Variants in PALB2 observed in about 807,000 individuals in gnomAD.
The protein encoded by PALB2 is mutant partner and localizer of BRCA2.
PALB2 carries 82 observed loss-of-function variants against 107.4 expected under a neutral mutation model. That is an observed-to-expected ratio of 0.76 (90% CI 0.64 to 0.92). PALB2 has a LOEUF of 0.92. Ranked by LOEUF, PALB2 falls within the 40% of genes least tolerant of loss-of-function variation. The pLI is 0.00. For synonymous variants in PALB2, 489 were observed against 496.8 expected (o/e 0.98, Z 0.21); for missense variants, 1,374 against 1,379.9 (o/e 1.00, Z 0.07).
At chr16:23,636,932 T>A (rs1967076933) in intron 3 of PALB2, among the ~76,000 whole-genome samples, 1 of 152,206 alleles carries the variant, frequency 6.6e-6, no homozygotes, top group African/African-American at 2.4e-5. Context: ...AATTTTTCTC[T>A]GTTCATATAT....
chr16:23,630,491 C>T (rs1966868293), intron 4 of PALB2, 22 bp from the exon 5 acceptor site: 3 of 1,558,890 alleles, frequency 1.9e-6, no homozygotes, highest in Non-Finnish European at 2.6e-6. Context: ...AAATAAGTCA[C>T]AAAATAGTAA....
At chr16:23,613,435 G>A (rs1966622956) in intron 11 of PALB2, among the ~76,000 whole-genome samples, 1 of 152,124 alleles carries the variant, frequency 6.6e-6, no homozygotes, top group South Asian at 2.1e-4. Flanking sequence ...CCTGAGGTCA[G>A]GAGTTCGAGA....
chr16:23,637,564 G>A (rs904682251), intron 3 of PALB2, among the ~76,000 whole-genome samples: 1 of 152,008 alleles, frequency 6.6e-6, no homozygotes, highest in African/African-American at 2.4e-5. Context: ...TTAGTCAGGT[G>A]TGGTAGTGCA....
rs1597099200 is a variant in PALB2, at chr16:23,636,080, T to C, written c.466A>G (p.Ile156Val). ...RRKKQQKRTFISQERDCVFGT... is the reference protein window; with the variant it reads ...RRKKQQKRTFVSQERDCVFGT... ...AAGACACAGTCTCTCTCCTGTGAAA[T>C]AAATGTCCTCTTCTGCTGCTTCTTT... The change falls in exon 4 of 13, where the codon ATT (isoleucine) becomes GTT (valine). Residue 156 changes from isoleucine to valine, a missense_variant. Ile to Val is a conservative substitution (Grantham distance 29). Coordinates refer to ENST00000261584, the MANE Select transcript of PALB2 (RefSeq NM_024675.4). 1 of 1,613,946 alleles carries C rather than the reference T, an allele frequency of 6.2e-7. No homozygotes were observed. Among genetic ancestry groups the C allele is most frequent in the African/African-American group, 1.3e-5 (1 of 74,894 alleles).
At chr16:23,618,539 G>A (rs1009170934) in intron 10 of PALB2, among the ~76,000 whole-genome samples, 3 of 151,966 alleles carry the variant, frequency 2.0e-5, no homozygotes, top group African/African-American at 7.2e-5. Flanking sequence ...AGGGATGAGG[G>A]TAGAGTTGAA....
intron 9 of PALB2, 142 bp downstream of exon 9, chr16:23,622,827 A>G: frequency 1.1e-6 from 1 of 924,952 alleles, no homozygotes; most frequent in East Asian, 2.5e-5. Flanking sequence ...CTTCTATGTC[A>G]TAACCTAGTG....
Position 23,636,000 on chromosome 16 carries a change from G to A in PALB2, c.546C>T (p.Ile182=), listed in dbSNP as rs1597098917. Residue 182 remains isoleucine, a synonymous_variant, in exon 4 of 13, where the codon ATC becomes ATT. Coordinates refer to ENST00000261584, the MANE Select transcript of PALB2 (RefSeq NM_024675.4). ...SGKRLKEQEE[I]SSKNPARSPV... ...GTGATCTAGCAGGATTTTTGCTACT[G>A]ATTTCTTCCTGTTCCTTTAGTCTTT... 1 of 1,613,958 alleles carries A rather than the reference G, an allele frequency of 6.2e-7. No homozygotes were observed. Among genetic ancestry groups the A allele is most frequent in the African/African-American group, 1.3e-5 (1 of 74,900 alleles).
chr16:23,623,604 C>T (rs1966815787), intron 8 of PALB2, among the ~76,000 whole-genome samples: 4 of 142,604 alleles, frequency 2.8e-5, no homozygotes, highest in African/African-American at 8.0e-5. Context: ...ACCTCTGTTT[C>T]CCGGGTTCAG....
chr16:23,629,534 CATTCTT>C (rs1966854988), intron 5 of PALB2, 100 bp downstream of exon 5: 1 of 1,122,040 alleles, frequency 8.9e-7, no homozygotes. Context: ...CACGTCAAAC[CATTCTT>C]AAACGTGGAA....
chr16:23,621,449 G>A lies in PALB2; in HGVS notation c.3026C>T (p.Pro1009Leu), dbSNP rs552354535. 1 of 1,613,962 alleles carries A rather than the reference G, an allele frequency of 6.2e-7. No individual in the cohort carries two copies. Among genetic ancestry groups the A allele is most frequent in the South Asian group, 1.1e-5 (1 of 91,078 alleles). ...GGKENQFLMP[P>L]EETILTFAEV... ...AGCAAAAGTTAGTATAGTCTCCTCAGGGGGCATCAAAAATTGGTTTTCTTT... is the reference window on the plus strand; with the variant it reads ...AGCAAAAGTTAGTATAGTCTCCTCAAGGGGCATCAAAAATTGGTTTTCTTT... Residue 1009 changes from proline to leucine, a missense_variant, in exon 10 of 13, where the codon CCT (proline) becomes CTT (leucine). By Grantham distance (98) the Pro-to-Leu change is moderately conservative. Transcript: ENST00000261584.
At position 23,621,415 on chromosome 16, in the gene PALB2, T is replaced by C. The variant is rs1555459389; in HGVS notation, c.3060A>G (p.Gln1020=). ...EETILTFAEV[Q]GMQEALLGTT... is the part of the protein sequence containing the mutation. ...TACCAAGCAGAGCTTCTTGCATCCC[T>C]TGGACCTCAGCAAAAGTTAGTATAG... The change falls in exon 10 of 13, where the codon CAA becomes CAG. Residue 1020 remains glutamine, a synonymous_variant. Transcript: ENST00000261584. 1.2e-6 allele frequency: 2 copies of C among 1,614,100 alleles called. No individual in the cohort carries two copies. Among genetic ancestry groups the C allele is most frequent in the Non-Finnish European group, 1.7e-6 (2 of 1,179,972 alleles).
At chr16:23,609,911 C>T (rs1966554686) in intron 11 of PALB2, among the ~76,000 whole-genome samples, 1 of 152,028 alleles carries the variant, frequency 6.6e-6, no homozygotes, top group Non-Finnish European at 1.5e-5. Flanking sequence ...TTCCTGGCCT[C>T]AAGCAATCCT....
At chr16:23,630,594 T>A in intron 4 of PALB2, 125 bp from the exon 5 acceptor site, 1 of 807,378 alleles carries the variant, frequency 1.2e-6, no homozygotes. Context: ...AACCTTAATT[T>A]CCCCAGAATG....
At chr16:23,620,027 G>A (rs1342186697) in intron 10 of PALB2, among the ~76,000 whole-genome samples, 2 of 152,164 alleles carry the variant, frequency 1.3e-5, no homozygotes, top group Non-Finnish European at 2.9e-5. Flanking sequence ...TGATCTGCCT[G>A]CCTTGGCCTC....
intron 4 of PALB2, among the ~76,000 whole-genome samples, chr16:23,631,739 A>G (rs1198969898): frequency 6.6e-6 from 1 of 152,182 alleles, no homozygotes; most frequent in South Asian, 2.1e-4. Flanking sequence ...TCCTACCTCT[A>G]AAACTGTGAT....
rs769849072 is a variant in PALB2, at chr16:23,630,387, C to T, written c.1767G>A (p.Thr589=). The T allele has an allele frequency of 3.4e-5, 55 of 1,613,870 alleles. No individual in the cohort carries two copies. The highest frequency in any genetic ancestry group is 3.2e-4 in the South Asian group (29 of 91,082). Residue 589 remains threonine (T), a synonymous_variant, in exon 5 of 13, where the codon ACG becomes ACA. Transcript: ENST00000261584. The part of the protein sequence containing the change: ...AYLSLDDDAF[T]APFHRDGMLS... ...GCATTCCATCCCTATGAAATGGAGCCGTGAAAGCATCATCATCCAAGGATA... is the reference window on the plus strand; with the variant it reads ...GCATTCCATCCCTATGAAATGGAGCTGTGAAAGCATCATCATCCAAGGATA...
chr16:23,636,411 A>G (rs1967065409), intron 3 of PALB2, 77 bp from the exon 4 acceptor site: 4 of 940,608 alleles, frequency 4.3e-6, no homozygotes, highest in South Asian at 3.6e-5. Context: ...TTAACCTATT[A>G]TATATAAATA....
chr16:23,630,445 T>A lies in PALB2; in HGVS notation c.1709A>T (p.Glu570Val), dbSNP rs2142391003. The A allele has an allele frequency of 6.2e-7, 1 of 1,613,386 alleles. No homozygotes were observed. Among genetic ancestry groups the A allele is most frequent in the South Asian group, 1.1e-5 (1 of 90,946 alleles). Residue 570 changes from glutamate (E) to valine (V), a missense_variant, in exon 5 of 13, where the codon GAG becomes GTG. Transcript: ENST00000261584. Reference sequence around the variant, plus strand: ...ACTATTACTCCAAGAAAGGGAATCCTCTTTTTGATGACGACTTTTCTTCCC... The same window carrying A: ...ACTATTACTCCAAGAAAGGGAATCCACTTTTTGATGACGACTTTTCTTCCC... ...VKGKKSRHQK[E>V]DSLSWSNSAY...
At chr16:23,617,993 C>T (rs775759273) in intron 10 of PALB2, among the ~76,000 whole-genome samples, 3 of 151,844 alleles carry the variant, frequency 2.0e-5, no homozygotes, top group East Asian at 1.9e-4. Flanking sequence ...CCTGCCTCTA[C>T]AAAGAAAAAG....
Sources: gnomAD v4.1 joint callset for allele counts (sites outside exome capture counted in the v4.1 genomes callset) on GRCh38, gnomAD v4.1.1 for gene constraint, MANE v1.5 for transcripts, NCBI Gene and HGNC (gene_info 2026-07-23, HGNC 2026-07-21) for gene names.